Variants in SDK1 observed in about 807,000 individuals in gnomAD.
The protein encoded by SDK1 is sidekick cell adhesion molecule 1, also known as protein sidekick-1.
In SDK1, 157 loss-of-function variants were observed where a neutral mutation model predicts 245.5. That is an observed-to-expected ratio of 0.64 (90% CI 0.56 to 0.73). The LOEUF (loss-of-function observed/expected upper bound fraction) is 0.73. SDK1 is among the 30% of genes least tolerant of loss of function. The probability of loss-of-function intolerance (pLI) is 0.00; values close to 1 mark genes in which losing one functional copy is unlikely to be tolerated. For missense variants in SDK1, 3,583 were observed against 3,002.3 expected (o/e 1.19, Z -4.52); for synonymous variants, 1,647 against 1,278.5 (o/e 1.29, Z -6.15).
At chr7:3,388,673 A>T (rs546700970) in intron 1 of SDK1, among the ~76,000 whole-genome samples, 57 of 152,326 alleles carry the variant, frequency 3.7e-4, no homozygotes, top group Middle Eastern at 6.8e-3. Flanking sequence ...GAGATGAGAT[A>T]TTAAAAATTA....
At chr7:3,682,833 G>A (rs1784151044) in intron 4 of SDK1, among the ~76,000 whole-genome samples, 1 of 151,872 alleles carries the variant, frequency 6.6e-6, no homozygotes, top group African/African-American at 2.4e-5. Flanking sequence ...CCACTTCCCA[G>A]GTTCAAGTGA....
chr7:3,501,207 T>C (rs1043396285), intron 1 of SDK1, among the ~76,000 whole-genome samples: 1 of 152,176 alleles, frequency 6.6e-6, no homozygotes, highest in African/African-American at 2.4e-5. Context: ...GGGTAACTTT[T>C]GTCAGTATCT....
intron 1 of SDK1, among the ~76,000 whole-genome samples, chr7:3,521,909 A>G (rs1782951946): frequency 6.6e-6 from 1 of 152,302 alleles, no homozygotes; most frequent in Non-Finnish European, 1.5e-5. Flanking sequence ...AATATAGGAA[A>G]TAAGTGTTTC....
At chr7:3,391,327 C>A (rs1319745947) in intron 1 of SDK1, among the ~76,000 whole-genome samples, 2 of 152,118 alleles carry the variant, frequency 1.3e-5, no homozygotes, top group Non-Finnish European at 2.9e-5. Context: ...GCACACATGA[C>A]CTTGGTTCCA....
chr7:3,663,990 A>G (rs916936092), intron 4 of SDK1, among the ~76,000 whole-genome samples: 2 of 152,072 alleles, frequency 1.3e-5, no homozygotes, highest in African/African-American at 2.4e-5. Flanking sequence ...TAACCACAAG[A>G]TATTTCCGGG....
intron 19 of SDK1, among the ~76,000 whole-genome samples, chr7:4,056,319 A>G (rs1171352066): frequency 6.6e-6 from 1 of 152,116 alleles, no homozygotes; most frequent in African/African-American, 2.4e-5. Context: ...TTTTAAAAGG[A>G]AAGTTTGGAG....
At chr7:3,390,395 C>G (rs113544041) in intron 1 of SDK1, among the ~76,000 whole-genome samples, 1,589 of 152,248 alleles carry the variant, frequency 0.01, 15 homozygotes, top group Non-Finnish European at 0.018. Context: ...TTACAGTTAT[C>G]GAAGCCAATA....
chr7:4,097,320 T>C (rs73671541), intron 22 of SDK1, among the ~76,000 whole-genome samples: 4,685 of 141,260 alleles, frequency 0.033, 231 homozygotes, highest in African/African-American at 0.12. Context: ...CCTGTATTTA[T>C]TTTTTATGTG....
At chr7:3,608,023 A>C (rs573364346) in intron 1 of SDK1, among the ~76,000 whole-genome samples, 1 of 152,206 alleles carries the variant, frequency 6.6e-6, no homozygotes, top group African/African-American at 2.4e-5. Context: ...AGCTTTTGGC[A>C]ACGATTTAAA....
intron 44 of SDK1, among the ~76,000 whole-genome samples, chr7:4,247,846 G>A (rs1217952675): frequency 6.6e-6 from 1 of 152,152 alleles, no homozygotes; most frequent in Admixed American, 6.5e-5. Flanking sequence ...CACCCAGCCA[G>A]ACCCCCGTGT....
At chr7:3,470,424 G>A (rs1781145551) in intron 1 of SDK1, among the ~76,000 whole-genome samples, 1 of 152,058 alleles carries the variant, frequency 6.6e-6, no homozygotes, top group Non-Finnish European at 1.5e-5. Context: ...TATAAAATTT[G>A]TAATCAAACA....
At chr7:3,353,687 G>C (rs1437500211) in intron 1 of SDK1, among the ~76,000 whole-genome samples, 1 of 152,164 alleles carries the variant, frequency 6.6e-6, no homozygotes, top group South Asian at 2.1e-4. Flanking sequence ...CCCCTGTCAT[G>C]AATAGAAACT....
chr7:3,756,476 T>C (rs1035710382), intron 4 of SDK1, among the ~76,000 whole-genome samples: 31 of 152,244 alleles, frequency 2.0e-4, no homozygotes, highest in African/African-American at 7.5e-4. Flanking sequence ...GTTTTAAATC[T>C]GACTCCTTTC....
intron 9 of SDK1, among the ~76,000 whole-genome samples, chr7:3,966,758 T>C (rs1028436676): frequency 1.3e-5 from 2 of 152,094 alleles, no homozygotes; most frequent in Non-Finnish European, 2.9e-5. Flanking sequence ...CGATCATCAC[T>C]CACTGCAGCC....
intron 1 of SDK1, among the ~76,000 whole-genome samples, chr7:3,386,471 T>C (rs530536275): frequency 6.6e-6 from 1 of 152,250 alleles, no homozygotes; most frequent in Non-Finnish European, 1.5e-5. Context: ...ATATTTTGTT[T>C]AGAGTTAACA....
chr7:3,747,780 C>T (rs749084928), intron 4 of SDK1, among the ~76,000 whole-genome samples: 12 of 151,366 alleles, frequency 7.9e-5, no homozygotes, highest in Admixed American at 1.3e-4. Context: ...TGGTAAGAGG[C>T]AGGGAGGAGG....
intron 5 of SDK1, among the ~76,000 whole-genome samples, chr7:3,879,429 C>A (rs1341059391): frequency 1.3e-5 from 2 of 152,166 alleles, no homozygotes; most frequent in African/African-American, 4.8e-5. Context: ...AGCCGCTGGG[C>A]TCAGCCACTT....
At chr7:3,825,319 A>T (rs1041826819) in intron 5 of SDK1, among the ~76,000 whole-genome samples, 1 of 120,654 alleles carries the variant, frequency 8.3e-6, no homozygotes, top group South Asian at 2.5e-4. Context: ...TTCTTCCTCT[A>T]AAAAAAAAAA....
At chr7:4,218,988 T>G (rs1037982780) in intron 38 of SDK1, among the ~76,000 whole-genome samples, 8 of 152,168 alleles carry the variant, frequency 5.3e-5, no homozygotes, top group African/African-American at 1.9e-4. Context: ...TCAATATTTA[T>G]TCTCTCCCCT....
Sources: gnomAD v4.1 joint callset for allele counts (sites outside exome capture counted in the v4.1 genomes callset) on GRCh38, gnomAD v4.1.1 for gene constraint, MANE v1.5 for transcripts, NCBI Gene and HGNC (gene_info 2026-07-23, HGNC 2026-07-21) for gene names.